Variants in GRID1 observed in about 807,000 individuals in gnomAD.
GRID1 encodes glutamate ionotropic receptor delta type subunit 1, also known as glutamate receptor ionotropic, delta-1.
Under a neutral mutation model 98.0 loss-of-function variants are expected in GRID1, and 28 were observed. The observed-to-expected ratio is 0.29, with a 90% CI of 0.21 to 0.39. The LOEUF (loss-of-function observed/expected upper bound fraction) is 0.39. GRID1 is among the 10% of genes least tolerant of loss of function. The pLI is 1.00. For synonymous variants in GRID1, 553 were observed against 538.5 expected, an observed-to-expected ratio of 1.03 and a Z score of -0.37; for missense variants, 1,111 against 1,340.5, an observed-to-expected ratio of 0.83 and a Z score of 2.67.
intron 4 of GRID1, among the ~76,000 whole-genome samples, chr10:85,977,484 T>C (rs994582817): frequency 6.6e-6 from 1 of 152,104 alleles, no homozygotes. Context: ...ATTCAGCCCA[T>C]GGGCAGTGAG....
chr10:86,047,385 T>C (rs1843438523), intron 4 of GRID1, among the ~76,000 whole-genome samples: 1 of 152,354 alleles, frequency 6.6e-6, no homozygotes, highest in South Asian at 2.1e-4. Flanking sequence ...AGGTGATTAA[T>C]AGAGTTGGCT....
At chr10:85,932,034 T>C (rs1564629694) in intron 4 of GRID1, among the ~76,000 whole-genome samples, 1 of 152,132 alleles carries the variant, frequency 6.6e-6, no homozygotes, top group Non-Finnish European at 1.5e-5. Context: ...CATGTCAATC[T>C]CTGCTTAATT....
At chr10:86,026,768 G>T (rs1245342510) in intron 4 of GRID1, among the ~76,000 whole-genome samples, 1 of 152,240 alleles carries the variant, frequency 6.6e-6, no homozygotes, top group Non-Finnish European at 1.5e-5. Context: ...CAGTGGCTAT[G>T]CTGGATGACC....
chr10:86,282,123 C>A (rs2132068628), intron 2 of GRID1, among the ~76,000 whole-genome samples: 1 of 152,302 alleles, frequency 6.6e-6, no homozygotes, highest in East Asian at 1.9e-4. Context: ...CTGGGAAGAC[C>A]ATTCTCAGCT....
At chr10:85,701,525 A>G (rs1185208294) in intron 12 of GRID1, among the ~76,000 whole-genome samples, 2 of 152,212 alleles carry the variant, frequency 1.3e-5, no homozygotes, top group African/African-American at 4.8e-5. Context: ...AGTTTTGATA[A>G]TGGGGATTTA....
At chr10:86,075,120 G>T (rs942186486) in intron 4 of GRID1, among the ~76,000 whole-genome samples, 2 of 146,142 alleles carry the variant, frequency 1.4e-5, no homozygotes, top group Non-Finnish European at 3.0e-5. Flanking sequence ...CCCGCGGAAG[G>T]CTCCTCGTTT....
intron 4 of GRID1, among the ~76,000 whole-genome samples, chr10:85,943,057 A>C (rs1842014504): frequency 6.6e-6 from 1 of 152,246 alleles, no homozygotes; most frequent in African/African-American, 2.4e-5. Context: ...TTTCAAAAAT[A>C]GAGTTGCTTC....
intron 2 of GRID1, among the ~76,000 whole-genome samples, chr10:86,312,829 C>T (rs2132089524): frequency 6.6e-6 from 1 of 152,290 alleles, no homozygotes; most frequent in South Asian, 2.1e-4. Context: ...GTGGACAAAC[C>T]CCAGTGGCCA....
At chr10:85,775,790 T>A (rs1842325336) in intron 8 of GRID1, among the ~76,000 whole-genome samples, 1 of 152,166 alleles carries the variant, frequency 6.6e-6, no homozygotes, top group African/African-American at 2.4e-5. Context: ...TTTAAAGAAC[T>A]GTATATGAGA....
intron 2 of GRID1, among the ~76,000 whole-genome samples, chr10:86,281,271 C>T (rs1278797494): frequency 6.6e-6 from 1 of 152,172 alleles, no homozygotes; most frequent in Non-Finnish European, 1.5e-5. Context: ...GGAAAGGCAT[C>T]TTTCATTTAC....
chr10:86,138,691 G>T, intron 4 of GRID1, 128 bp downstream of exon 4: 1 of 685,206 alleles, frequency 1.5e-6, no homozygotes, highest in South Asian at 1.8e-5. Flanking sequence ...GCTGTGGGCC[G>T]AGCACCTACG....
chr10:86,050,013 G>A (rs1305519696), intron 4 of GRID1, among the ~76,000 whole-genome samples: 1 of 152,170 alleles, frequency 6.6e-6, no homozygotes, highest in African/African-American at 2.4e-5. Context: ...TTGTCAAAAT[G>A]TGTGGCAGGC....
chr10:85,771,005 C>T (rs931718498), intron 8 of GRID1, among the ~76,000 whole-genome samples: 1 of 152,096 alleles, frequency 6.6e-6, no homozygotes, highest in Non-Finnish European at 1.5e-5. Flanking sequence ...AGAGCAACTC[C>T]AACACACATA....
chr10:86,102,301 G>A (rs1345430022), intron 4 of GRID1, among the ~76,000 whole-genome samples: 1 of 152,272 alleles, frequency 6.6e-6, no homozygotes, highest in Non-Finnish European at 1.5e-5. Context: ...CAGGGACATA[G>A]CCATTGGGGT....
intron 12 of GRID1, among the ~76,000 whole-genome samples, chr10:85,652,229 T>C (rs577118239): frequency 7.3e-4 from 111 of 152,334 alleles, no homozygotes; most frequent in Middle Eastern, 3.4e-3. Flanking sequence ...TAAATCAATC[T>C]TACTATTTCC....
At chr10:85,899,014 C>A (rs1427693871) in intron 5 of GRID1, among the ~76,000 whole-genome samples, 1 of 152,156 alleles carries the variant, frequency 6.6e-6, no homozygotes, top group Non-Finnish European at 1.5e-5. Context: ...GAGTAATGTA[C>A]TGCACTATGA....
intron 8 of GRID1, among the ~76,000 whole-genome samples, chr10:85,830,866 A>G (rs1208262494): frequency 6.6e-6 from 1 of 152,202 alleles, no homozygotes; most frequent in Non-Finnish European, 1.5e-5. Context: ...TGCTGGTGTA[A>G]TGTAAATTAG....
chr10:85,827,830 A>T (rs1842833079), intron 8 of GRID1, among the ~76,000 whole-genome samples: 1 of 152,184 alleles, frequency 6.6e-6, no homozygotes, highest in Admixed American at 6.5e-5. Context: ...ATCACATAAT[A>T]ATAATGGGAT....
At chr10:85,955,010 C>A (rs1050492139) in intron 4 of GRID1, among the ~76,000 whole-genome samples, 3 of 152,046 alleles carry the variant, frequency 2.0e-5, no homozygotes, top group Non-Finnish European at 4.4e-5. Flanking sequence ...TACAAGTATA[C>A]AAAAAATACA....
Sources: allele counts gnomAD v4.1 joint callset (sites outside exome capture counted in the v4.1 genomes callset), GRCh38; gene constraint gnomAD v4.1.1; transcripts MANE v1.5; gene names NCBI Gene and HGNC (gene_info 2026-07-23, HGNC 2026-07-21).